Variants in KDM2B observed in about 807,000 individuals in gnomAD.
KDM2B encodes the protein lysine demethylase 2B.
In KDM2B, 26 loss-of-function variants were observed where a neutral mutation model predicts 150.0. The ratio of observed to expected loss-of-function variants is 0.17; its 90% CI spans 0.13 to 0.24. The LOEUF (loss-of-function observed/expected upper bound fraction) is 0.24. KDM2B is among the 10% of genes least tolerant of loss of function. The probability of loss-of-function intolerance (pLI) is 1.00; values close to 1 mark genes in which losing one functional copy is unlikely to be tolerated. For missense variants in KDM2B, 1,265 were observed against 1,816.9 expected (o/e 0.70, Z 5.52); for synonymous variants, 734 against 729.5 (o/e 1.01, Z -0.10).
intron 11 of KDM2B, among the ~76,000 whole-genome samples, chr12:121,508,786 C>G (rs1193223252): frequency 6.6e-6 from 1 of 152,196 alleles, no homozygotes; most frequent in Non-Finnish European, 1.5e-5. Context: ...ATGAAGACTT[C>G]CAAACTGCAC....
At chr12:121,482,761 T>A (rs1045050145) in intron 12 of KDM2B, among the ~76,000 whole-genome samples, 2 of 152,220 alleles carry the variant, frequency 1.3e-5, no homozygotes, top group African/African-American at 2.4e-5. Flanking sequence ...GCCTCATCTT[T>A]CAGAAGCTCT....
the KDM2B span, among the ~76,000 whole-genome samples, chr12:121,419,601 A>G: frequency 6.6e-6 from 1 of 152,158 alleles, no homozygotes; most frequent in African/African-American, 2.4e-5. Context: ...GAAATTGGGA[A>G]CCGACCTAGC....
chr12:121,575,498 T>C lies in KDM2B; in HGVS notation c.350+283A>G, dbSNP rs184693399. On this transcript the variant is annotated intron_variant, in intron 3 of 22. Coordinates refer to ENST00000377071, the MANE Select transcript of KDM2B (RefSeq NM_032590.5). The surrounding 1 kb of genome is among the most constrained non-coding windows in gnomAD (Gnocchi z 4.4). ...GGGAAGGAGGAGAGGTACAATTCTC[T>C]GTAGGAGGTCACTGAGTGTAACTGG... Among the ~76,000 whole-genome samples, 44 of 152,300 alleles carry C rather than the reference T, an allele frequency of 2.9e-4. No homozygotes were observed. The highest frequency in any genetic ancestry group is 9.6e-4 in the African/African-American group (40 of 41,558).
chr12:121,440,931 C>T lies in KDM2B; in HGVS notation c.3495G>A (p.Ser1165=), dbSNP rs369038633. The T allele has an allele frequency of 4.0e-5, 64 of 1,614,024 alleles. No individual in the cohort carries two copies. Among genetic ancestry groups the T allele is most frequent in the South Asian group, 3.6e-4 (33 of 91,080 alleles). ...VLSGCSWIAV[S]ALCSSSCPLL... ...GCGGACAACTGGAGCTGCAAAGGGCCGAGACCGCGATCCATGAGCAGCCTG... is the reference window on the plus strand; with the variant it reads ...GCGGACAACTGGAGCTGCAAAGGGCTGAGACCGCGATCCATGAGCAGCCTG... The change falls in exon 21 of 23, where the codon TCG becomes TCA. Residue 1165 remains serine (S), a synonymous_variant. Coordinates refer to ENST00000377071, the MANE Select transcript of KDM2B (RefSeq NM_032590.5).
At chr12:121,470,738 A>G (rs569597327) in intron 12 of KDM2B, among the ~76,000 whole-genome samples, 1 of 152,318 alleles carries the variant, frequency 6.6e-6, no homozygotes, top group Admixed American at 6.5e-5. Context: ...AGGATGCCAA[A>G]TGAGGCTGGT....
the KDM2B span, among the ~76,000 whole-genome samples, chr12:121,413,567 A>T: frequency 1.5e-5 from 2 of 130,126 alleles, no homozygotes; most frequent in East Asian, 2.2e-4. Flanking sequence ...GCCTGCCACC[A>T]TGCCCAGCTT....
At chr12:121,484,332 T>G (rs1164358049) in intron 12 of KDM2B, among the ~76,000 whole-genome samples, 1 of 150,526 alleles carries the variant, frequency 6.6e-6, no homozygotes, top group East Asian at 1.9e-4. Flanking sequence ...ATGGGAGAAA[T>G]GGGGAAAAGG....
chr12:121,497,707 A>G (rs1555301267), intron 11 of KDM2B, among the ~76,000 whole-genome samples: 1 of 152,210 alleles, frequency 6.6e-6, no homozygotes, highest in Admixed American at 6.6e-5. Context: ...CAAAACAAGG[A>G]AAGTCTAAGA....
intron 12 of KDM2B, among the ~76,000 whole-genome samples, chr12:121,454,448 C>T (rs1877901410): frequency 6.6e-6 from 1 of 152,178 alleles, no homozygotes; most frequent in African/African-American, 2.4e-5. Flanking sequence ...GGGACAGCCA[C>T]AGCCCCTGCC....
chr12:121,519,562 T>C (rs1555305543), intron 9 of KDM2B, among the ~76,000 whole-genome samples: 1 of 152,096 alleles, frequency 6.6e-6, no homozygotes, highest in East Asian at 1.9e-4. Flanking sequence ...TCCATTTACA[T>C]CAAATGTCCA....
intron 10 of KDM2B, among the ~76,000 whole-genome samples, chr12:121,511,796 C>G (rs1441024138): frequency 6.6e-6 from 1 of 152,226 alleles, no homozygotes; most frequent in Non-Finnish European, 1.5e-5. Context: ...GAAACACCCT[C>G]AGAAAGCCGT....
intron 8 of KDM2B, among the ~76,000 whole-genome samples, chr12:121,529,728 G>A (rs1316127893): frequency 2.0e-5 from 3 of 151,746 alleles, no homozygotes; most frequent in Admixed American, 1.3e-4. Flanking sequence ...CTAGGAGTTC[G>A]AGACCTGCCT....
At chr12:121,479,832 A>G (rs1274751348) in intron 12 of KDM2B, among the ~76,000 whole-genome samples, 6 of 151,898 alleles carry the variant, frequency 4.0e-5, no homozygotes, top group African/African-American at 1.2e-4. Flanking sequence ...ATGTTGGCCA[A>G]GCTGGTCTTG....
At chr12:121,516,597 C>CGTCA in intron 9 of KDM2B, 1 of 1,244,148 alleles carries the variant, frequency 8.0e-7, no homozygotes, top group South Asian at 1.5e-5. Context: ...AGTTAACCAA[C>CGTCA]GTCAGTCCAA....
At chr12:121,417,405 C>A in the KDM2B span, 1 of 1,063,796 alleles carries the variant, frequency 9.4e-7, no homozygotes, top group Non-Finnish European at 1.4e-6. The surrounding 1 kb of genome is among the most constrained non-coding windows in gnomAD (Gnocchi z 5.0). Flanking sequence ...GGGGACTTCA[C>A]TAAGAACTAA....
chr12:121,556,147 G>A lies in KDM2B; in HGVS notation c.398-6509C>T, dbSNP rs377347069. On this transcript the variant is annotated intron_variant, in intron 4 of 22. Transcript: ENST00000377071. ...TCACCATGTTGGCCAGGCTGGTCTT[G>A]AACTCCTGACATTGTGATCTGCCCT... Among the ~76,000 whole-genome samples the A allele has an allele frequency of 2.0e-5, 3 of 151,942 alleles. No individual in the cohort carries two copies. The South Asian group carries it at 6.2e-4, about 32-fold the overall frequency.
chr12:121,492,192 C>T (rs1359984271), intron 12 of KDM2B, among the ~76,000 whole-genome samples: 1 of 152,006 alleles, frequency 6.6e-6, no homozygotes, highest in Non-Finnish European at 1.5e-5. Context: ...AGGTGAGCCA[C>T]ATAGGTACTT....
the KDM2B span, among the ~76,000 whole-genome samples, chr12:121,413,333 T>G: frequency 6.6e-6 from 1 of 152,000 alleles, no homozygotes; most frequent in African/African-American, 2.4e-5. Context: ...GGCCAGATTT[T>G]CATGCTTTTA....
chr12:121,510,157 C>T (rs1175135888), intron 10 of KDM2B, 118 bp from the exon 11 acceptor site: 2 of 896,828 alleles, frequency 2.2e-6, no homozygotes, highest in Admixed American at 5.1e-5. Flanking sequence ...CTCTAACAAT[C>T]CTAATGGTCA....
Sources: allele counts gnomAD v4.1 joint callset (sites outside exome capture counted in the v4.1 genomes callset), GRCh38; gene constraint gnomAD v4.1.1; non-coding constraint Gnocchi (gnomAD v3.1); transcripts MANE v1.5; gene names NCBI Gene and HGNC (gene_info 2026-07-23, HGNC 2026-07-21).